The following RERE variants were observed in gnomAD, a reference collection of about 807,000 sequenced individuals.
RERE encodes arginine-glutamic acid dipeptide repeats protein.
Under a neutral mutation model 146.1 loss-of-function variants are expected in RERE, and 40 were observed. That is an observed-to-expected ratio of 0.27 (90% confidence interval 0.21 to 0.36). The LOEUF (loss-of-function observed/expected upper bound fraction) is 0.36, where lower values mean the gene tolerates loss of function less well. Among genes scored for constraint, RERE ranks in the 10% least tolerant of loss-of-function variants. The pLI is 1.00. For missense variants in RERE, 1,933 were observed against 2,138.7 expected (o/e 0.90, Z 1.90); for synonymous variants, 1,003 against 866.0 (o/e 1.16, Z -2.78).
At chr1:8,615,245 A>G (rs2124195868) in intron 3 of RERE, among the ~76,000 whole-genome samples, 1 of 152,322 alleles carries the variant, frequency 6.6e-6, no homozygotes, top group Non-Finnish European at 1.5e-5. Flanking sequence ...AGGCCCCAAA[A>G]CAGAGGGAAA....
intron 1 of RERE, among the ~76,000 whole-genome samples, chr1:8,708,822 T>C (rs1045328424): frequency 6.6e-6 from 1 of 151,636 alleles, no homozygotes; most frequent in Non-Finnish European, 1.5e-5. Flanking sequence ...TACTAATACA[T>C]GGAGTTACAA....
In RERE at chr1:8,356,951, G is replaced by C. The variant is rs948459850; in HGVS notation, c.4340-705C>G. On this transcript the variant is annotated intron_variant, in intron 20 of 22. Transcript: ENST00000400908. The surrounding 1 kb of genome is among the most constrained non-coding windows in gnomAD (Gnocchi z 5.2). ...CTGCCTCTGTGGCTGCTCTTGCCCCGATTTCCCACAGCTTGCCCTTTCATC... is the reference window on the plus strand; with the variant it reads ...CTGCCTCTGTGGCTGCTCTTGCCCCCATTTCCCACAGCTTGCCCTTTCATC... 1.3e-5 allele frequency among the ~76,000 whole-genome samples: 2 copies of C among 152,244 alleles called. No homozygotes were observed. The highest frequency in any genetic ancestry group is 1.3e-4 in the Admixed American group (2 of 15,298).
intron 1 of RERE, among the ~76,000 whole-genome samples, chr1:8,664,257 C>T (rs1378988530): frequency 6.6e-6 from 1 of 152,208 alleles, no homozygotes; most frequent in Non-Finnish European, 1.5e-5. Context: ...TTTCCTTTCA[C>T]TTTCTAGACA....
chr1:8,517,034 C>T (rs556478862), intron 7 of RERE, among the ~76,000 whole-genome samples: 52 of 152,234 alleles, frequency 3.4e-4, no homozygotes, highest in African/African-American at 1.2e-3. Context: ...GTGGTGGTTA[C>T]ACAAAGCTAT....
chr1:8,535,042 A>AG (rs1212734761), intron 7 of RERE, among the ~76,000 whole-genome samples: 1 of 151,982 alleles, frequency 6.6e-6, no homozygotes, highest in Non-Finnish European at 1.5e-5. Flanking sequence ...AGGATCACTG[A>AG]GGGGGGAGGG....
chr1:8,747,181 T>G (rs564505998), intron 1 of RERE, among the ~76,000 whole-genome samples: 3 of 152,108 alleles, frequency 2.0e-5, no homozygotes, highest in African/African-American at 7.2e-5. Flanking sequence ...TTTTGTATTT[T>G]TAGTAGAGAC....
At position 8,656,223 on chromosome 1, in the gene RERE, T is replaced by C. The variant is rs375281487; in HGVS notation, c.75A>G (p.Lys25=). The change falls in exon 2 of 23, where the codon AAA becomes AAG. Residue 25 remains lysine, a synonymous_variant. Coordinates refer to ENST00000400908, the MANE Select transcript of RERE (RefSeq NM_001042681.2). The part of the protein sequence containing the change: ...RDRDRDRERE[K]RDKARESENS... ...TCTCACTCTCTCTTGCTTTGTCTCT[T>C]TTCTCTCTCTCTCGGTCCCGGTCTC... 6.2e-7 allele frequency: 1 copy of C among 1,613,232 alleles called. No individual in the cohort carries two copies. Among genetic ancestry groups the C allele is most frequent in the Non-Finnish European group, 8.5e-7 (1 of 1,179,174 alleles).
chr1:8,777,886 T>C (rs1641098220), intron 1 of RERE, among the ~76,000 whole-genome samples: 1 of 130,956 alleles, frequency 7.6e-6, no homozygotes, highest in Non-Finnish European at 1.6e-5. Context: ...TAAAAGTATA[T>C]GGTTAAAAAA....
At chr1:8,531,056 TCTATCTATCTATCTAA>T (rs1397768055) in intron 7 of RERE, among the ~76,000 whole-genome samples, 38 of 148,776 alleles carry the variant, frequency 2.6e-4, no homozygotes, top group African/African-American at 7.8e-4. Context: ...TATCTATCTA[TCTATCTATCTATCTAA>T]CTTTCTATCT....
At chr1:8,505,529 T>G (rs1041746794) in intron 8 of RERE, among the ~76,000 whole-genome samples, 1 of 152,150 alleles carries the variant, frequency 6.6e-6, no homozygotes, top group Non-Finnish European at 1.5e-5. Flanking sequence ...AATATTTTCC[T>G]AATAAAAAGG....
intron 2 of RERE, among the ~76,000 whole-genome samples, chr1:8,630,621 C>G (rs1240137146): frequency 2.7e-4 from 41 of 152,148 alleles, no homozygotes; most frequent in Non-Finnish European, 1.5e-5. Flanking sequence ...TCAGGAAGCT[C>G]AGGTGACAGC....
chr1:8,525,964 C>CCTCA (rs1645565235), intron 7 of RERE: 1 of 1,349,670 alleles, frequency 7.4e-7, no homozygotes, highest in South Asian at 1.8e-5. Context: ...AGAAACTTCC[C>CCTCA]CTCACTCTGA....
At chr1:8,586,481 G>T (rs573599354) in intron 4 of RERE, among the ~76,000 whole-genome samples, 1 of 152,234 alleles carries the variant, frequency 6.6e-6, no homozygotes, top group East Asian at 1.9e-4. Flanking sequence ...CAATCAAAAG[G>T]ATTTTAAAAA....
chr1:8,801,857 T>C (rs1641597437), intron 1 of RERE, among the ~76,000 whole-genome samples: 1 of 152,228 alleles, frequency 6.6e-6, no homozygotes, highest in South Asian at 2.1e-4. Flanking sequence ...CCAAAGAGTC[T>C]GAGACAATTT....
Position 8,656,109 on chromosome 1 carries a change from G to T in RERE, c.189C>A (p.Asn63Lys). 1.2e-6 allele frequency: 2 copies of T among 1,613,906 alleles called. No homozygotes were observed. Among genetic ancestry groups the T allele is most frequent in the Non-Finnish European group, 1.7e-6 (2 of 1,179,920 alleles). ...SDHSEDEDND[N>K]NSATAEESTK... ...TGGACTCCTCTGCGGTGGCACTATT[G>T]TTGTCATTGTCCTCGTCTTCACTGT... The change falls in exon 2 of 23, where the codon AAC becomes AAA. Residue 63 changes from asparagine to lysine, a missense_variant. Physicochemically the swap from Asn to Lys is moderately conservative, Grantham distance 94. Transcript: ENST00000400908.
intron 4 of RERE, among the ~76,000 whole-genome samples, chr1:8,560,714 T>C (rs1264800145): frequency 1.3e-5 from 2 of 152,236 alleles, no homozygotes; most frequent in Admixed American, 6.5e-5. Context: ...TGGTAGGTGA[T>C]TGTAACCAAT....
chr1:8,566,142 A>G (rs1646149731), intron 4 of RERE, among the ~76,000 whole-genome samples: 1 of 152,108 alleles, frequency 6.6e-6, no homozygotes, highest in Non-Finnish European at 1.5e-5. Context: ...GGTGTATTTT[A>G]GTGTAGCGCT....
intron 8 of RERE, among the ~76,000 whole-genome samples, chr1:8,500,718 A>G (rs1386028861): frequency 6.1e-5 from 9 of 148,234 alleles, no homozygotes; most frequent in African/African-American, 1.8e-4. Flanking sequence ...CCAGTCTGGA[A>G]AGTGAGGAGC....
At chr1:8,507,334 A>G (rs1471755317) in intron 8 of RERE, among the ~76,000 whole-genome samples, 1 of 152,246 alleles carries the variant, frequency 6.6e-6, no homozygotes, top group Non-Finnish European at 1.5e-5. Flanking sequence ...ATGAAATAAG[A>G]AAGAGCAACA....
Sources: allele counts gnomAD v4.1 joint callset (sites outside exome capture counted in the v4.1 genomes callset), GRCh38; gene constraint gnomAD v4.1.1; non-coding constraint Gnocchi (gnomAD v3.1); transcripts MANE v1.5; gene names NCBI Gene and HGNC (gene_info 2026-07-23, HGNC 2026-07-21).